The following MCTP1 variants were observed in gnomAD, a reference collection of about 807,000 sequenced individuals.
MCTP1 encodes multiple C2 and transmembrane domain-containing protein 1.
MCTP1 carries 69 observed loss-of-function variants against 120.6 expected under a neutral mutation model. The observed-to-expected ratio is 0.57, with a 90% CI of 0.47 to 0.70. The LOEUF (loss-of-function observed/expected upper bound fraction) is 0.70. Among genes scored for constraint, MCTP1 ranks in the 30% least tolerant of loss-of-function variants. The pLI, the probability that MCTP1 is intolerant of heterozygous loss-of-function variation, is 0.00. For synonymous variants in MCTP1, 529 were observed against 493.1 expected (o/e 1.07, Z -0.96); for missense variants, 1,203 against 1,248.8 (o/e 0.96, Z 0.55).
intron 1 of MCTP1, chr5:95,166,077 T>A (rs1335003967): frequency 6.6e-6 from 1 of 152,206 alleles, no homozygotes; most frequent in Non-Finnish European, 1.5e-5. Context: ...CTAAATTGTC[T>A]TTATAAATGC....
At chr5:94,931,595 A>G (rs1265499091) in intron 6 of MCTP1, 1 of 191,906 alleles carries the variant, frequency 5.2e-6, no homozygotes, top group African/African-American at 2.3e-5. Flanking sequence ...TGACCCCCCA[A>G]AATAAAATAA....
intron 19 of MCTP1, among the ~76,000 whole-genome samples, chr5:94,735,526 C>T (rs575486118): frequency 1.3e-5 from 2 of 152,112 alleles, no homozygotes; most frequent in Non-Finnish European, 2.9e-5. Flanking sequence ...ATCTCCTTAT[C>T]TCAGCCTCCT....
chr5:95,067,644 A>G (rs979557544), intron 1 of MCTP1, among the ~76,000 whole-genome samples: 1 of 152,052 alleles, frequency 6.6e-6, no homozygotes, highest in African/African-American at 2.4e-5. Context: ...TTTTGTTAGG[A>G]CATACTTCAA....
At position 94,868,656 on chromosome 5, in the gene MCTP1, T is replaced by A. The variant is rs544434107; in HGVS notation, c.2317-204A>T. On this transcript the variant is annotated intron_variant, in intron 16 of 22. Transcript: ENST00000515393. Reference sequence around the variant, plus strand: ...AACTGCCTTTTTAACTAAATACAATTTTTAAAATAATGTTAACATGTAGGT... The same window carrying A: ...AACTGCCTTTTTAACTAAATACAATATTTAAAATAATGTTAACATGTAGGT... Among the ~76,000 whole-genome samples the A allele has an allele frequency of 2.6e-5, 4 of 152,124 alleles. No individual in the cohort carries two copies. In the South Asian group the frequency reaches 8.3e-4, roughly 32 times the overall value.
intron 1 of MCTP1, among the ~76,000 whole-genome samples, chr5:95,093,590 T>C (rs2347481): frequency 0.076 from 11,564 of 152,118 alleles, 1,479 homozygotes; most frequent in African/African-American, 0.27. Flanking sequence ...GATTTGAGGG[T>C]CTTGGGGGAG....
chr5:94,860,629 T>G (rs1020784205), intron 17 of MCTP1, among the ~76,000 whole-genome samples: 1 of 151,686 alleles, frequency 6.6e-6, no homozygotes, highest in African/African-American at 2.4e-5. Flanking sequence ...AAACTAAACT[T>G]TACCACCAAG....
intron 19 of MCTP1, among the ~76,000 whole-genome samples, chr5:94,760,661 C>T (rs971879354): frequency 3.3e-5 from 5 of 151,958 alleles, no homozygotes; most frequent in Non-Finnish European, 7.4e-5. Flanking sequence ...TGGCTCCTAA[C>T]TGAGCTACCT....
rs1402412262 is a variant in MCTP1 at position 94,705,835 on chromosome 5, CAACA to C, written c.*1657_*1660del. On this transcript the variant is annotated 3_prime_UTR_variant, in exon 23 of 23. Coordinates refer to ENST00000515393, the MANE Select transcript of MCTP1 (RefSeq NM_024717.7). ...TGTTCATGGAACATTATGTTTTTAG[CAACA>C]AACAGTGATGGTATGCAGACAGAAG... 3 of 151,456 alleles carry C rather than the reference CAACA, an allele frequency of 2.0e-5. No homozygotes were observed. Among genetic ancestry groups the C allele is most frequent in the South Asian group, 2.1e-4 (1 of 4,822 alleles). 9.4% of individuals were successfully genotyped at this position (151,456 alleles called of 1,614,324 possible).
At chr5:94,772,797 T>G (rs575023249) in intron 19 of MCTP1, among the ~76,000 whole-genome samples, 2 of 152,178 alleles carry the variant, frequency 1.3e-5, no homozygotes, top group Non-Finnish European at 2.9e-5. Flanking sequence ...CATCTGTACT[T>G]TGACAATACC....
rs1348373929 is a variant in MCTP1, at chr5:94,954,184, A to C, written c.839-823T>G. On this transcript the variant is annotated intron_variant, in intron 2 of 22. Transcript: ENST00000515393. Reference sequence around the variant, plus strand: ...CATATATATACATATATATATATGCATATATATATATATATATATATGCCA... The same window carrying C: ...CATATATATACATATATATATATGCCTATATATATATATATATATATGCCA... 4.0e-4 allele frequency among the ~76,000 whole-genome samples: 16 copies of C among 40,336 alleles called. 2 individuals carry two copies. The highest frequency in any genetic ancestry group is 8.0e-4 in the Admixed American group (3 of 3,750). The allele number at this position is 40,336 out of a possible 152,430, so 26.5% of individuals were successfully genotyped here.
intron 1 of MCTP1, among the ~76,000 whole-genome samples, chr5:95,196,959 GT>G (rs1412224404): frequency 2.0e-5 from 3 of 152,138 alleles, no homozygotes; most frequent in Non-Finnish European, 2.9e-5. Context: ...AAAATTAAGA[GT>G]ATTAAACCAG....
At chr5:95,138,884 T>C (rs1176801312) in intron 1 of MCTP1, among the ~76,000 whole-genome samples, 5 of 152,242 alleles carry the variant, frequency 3.3e-5, no homozygotes, top group African/African-American at 1.2e-4. Flanking sequence ...CATTATCAGT[T>C]ATTTTCAATT....
chr5:95,199,823 C>T (rs1188131094), intron 1 of MCTP1, among the ~76,000 whole-genome samples: 1 of 151,608 alleles, frequency 6.6e-6, no homozygotes, highest in African/African-American at 2.4e-5. Context: ...GGTGCCACTG[C>T]ACTCCAGTCT....
chr5:94,929,797 G>A, intron 6 of MCTP1: 1 of 398,134 alleles, frequency 2.5e-6, no homozygotes, highest in Non-Finnish European at 3.4e-6. Flanking sequence ...AGATGAATAT[G>A]GCAAATGTTT....
At chr5:94,901,926 T>C (rs781567902) in intron 10 of MCTP1, among the ~76,000 whole-genome samples, 2 of 152,172 alleles carry the variant, frequency 1.3e-5, no homozygotes, top group Non-Finnish European at 2.9e-5. Flanking sequence ...TGAAGCCTCA[T>C]CAGTCTCTAA....
intron 19 of MCTP1, among the ~76,000 whole-genome samples, chr5:94,725,604 C>T (rs985435664): frequency 6.6e-6 from 1 of 152,132 alleles, no homozygotes; most frequent in African/African-American, 2.4e-5. Context: ...AAATGCAGAG[C>T]TGAGAAGGCA....
chr5:94,782,255 T>C (rs1163504273), intron 18 of MCTP1, among the ~76,000 whole-genome samples: 1 of 152,178 alleles, frequency 6.6e-6, no homozygotes, highest in Non-Finnish European at 1.5e-5. Context: ...AAATAATATA[T>C]TTTTTCCTGG....
chr5:94,768,642 A>G (rs1410999199), intron 19 of MCTP1, among the ~76,000 whole-genome samples: 1 of 152,176 alleles, frequency 6.6e-6, no homozygotes, highest in African/African-American at 2.4e-5. Context: ...AAAATGCTCA[A>G]TATCACTAAA....
chr5:95,026,176 TAG>T (rs1839223126), intron 1 of MCTP1, among the ~76,000 whole-genome samples: 1 of 152,106 alleles, frequency 6.6e-6, no homozygotes, highest in Non-Finnish European at 1.5e-5. Flanking sequence ...TGTGGGTACA[TAG>T]TATATATGTA....
Sources: allele counts gnomAD v4.1 joint callset (sites outside exome capture counted in the v4.1 genomes callset), GRCh38; gene constraint gnomAD v4.1.1; transcripts MANE v1.5; gene names NCBI Gene and HGNC (gene_info 2026-07-23, HGNC 2026-07-21).